NAV2: variants seen among roughly 807,000 people sequenced by gnomAD.
NAV2 encodes the protein helicase, APC down-regulated 1.
Under a neutral mutation model 223.2 loss-of-function variants are expected in NAV2, and 54 were observed. The ratio of observed to expected loss-of-function variants is 0.24; its 90% CI spans 0.19 to 0.30. The LOEUF (loss-of-function observed/expected upper bound fraction) is 0.30, where lower values mean the gene tolerates loss of function less well. Ranked by LOEUF, NAV2 falls within the 10% of genes least tolerant of loss-of-function variation. The probability of loss-of-function intolerance (pLI) is 1.00; values close to 1 mark genes in which losing one functional copy is unlikely to be tolerated. For synonymous variants in NAV2, 1,279 were observed against 1,239.3 expected (o/e 1.03, Z -0.67); for missense variants, 2,806 against 3,147.5 (o/e 0.89, Z 2.60).
intron 22 of NAV2, among the ~76,000 whole-genome samples, chr11:20,074,760 C>CCTTTTTTTTCTTTT (rs56895607): frequency 9.1e-6 from 1 of 110,262 alleles, no homozygotes; most frequent in Non-Finnish European, 1.8e-5. Context: ...TGCAACTCTG[C>CCTTTTTTTTCTTTT]TTTTTTTTTT....
chr11:19,442,458 T>A (rs2133709774), intron 1 of NAV2, among the ~76,000 whole-genome samples: 1 of 152,348 alleles, frequency 6.6e-6, no homozygotes, highest in East Asian at 1.9e-4. Context: ...GTGAAATGAC[T>A]CAACACAGAG....
chr11:19,836,446 G>A (rs868235515), intron 2 of NAV2, among the ~76,000 whole-genome samples: 8 of 151,730 alleles, frequency 5.3e-5, no homozygotes, highest in South Asian at 2.1e-4. Flanking sequence ...AGTCCCAGCT[G>A]CTCGGGAGGC....
chr11:20,057,659 A>G (rs1392811973), intron 19 of NAV2, among the ~76,000 whole-genome samples: 1 of 152,186 alleles, frequency 6.6e-6, no homozygotes, highest in Non-Finnish European at 1.5e-5. Context: ...GGATTTGCAT[A>G]TGGAGTTTGT....
intron 9 of NAV2, among the ~76,000 whole-genome samples, chr11:19,948,227 A>G (rs1444283819): frequency 6.6e-6 from 1 of 152,114 alleles, no homozygotes; most frequent in Non-Finnish European, 1.5e-5. Context: ...CTGGGACTAT[A>G]GGCACATGCC....
chr11:19,922,868 T>C (rs1046680731), intron 6 of NAV2, among the ~76,000 whole-genome samples: 1 of 152,192 alleles, frequency 6.6e-6, no homozygotes, highest in Non-Finnish European at 1.5e-5. Context: ...CCTGTGTTAA[T>C]ATAACCCAAG....
At chr11:19,559,317 G>T (rs1367918053) in intron 1 of NAV2, among the ~76,000 whole-genome samples, 1 of 152,210 alleles carries the variant, frequency 6.6e-6, no homozygotes, top group Non-Finnish European at 1.5e-5. Flanking sequence ...TGAATTAAAA[G>T]CCCATTCTCC....
intron 37 of NAV2, among the ~76,000 whole-genome samples, chr11:20,117,792 G>A (rs2245827): frequency 0.15 from 22,947 of 152,008 alleles, 2,213 homozygotes; most frequent in East Asian, 0.38. Flanking sequence ...AAATAAATAA[G>A]CTATGTATAG....
Position 19,641,276 on chromosome 11 carries a change from C to T in NAV2, c.76-191208C>T, listed in dbSNP as rs115735653. 7.4e-3 allele frequency among the ~76,000 whole-genome samples: 1,120 copies of T among 152,122 alleles called. 18 individuals are homozygous for T. The highest frequency in any genetic ancestry group is 0.024 in the African/African-American group (997 of 41,484). On this transcript the variant is annotated intron_variant, in intron 1 of 37. Coordinates refer to the NAV2 transcript ENST00000360655. Reference sequence around the variant, plus strand: ...TGACCAATGACAGCATTTTCTAATTCCCTTACCCTCTATATTCAATCTAGC... The same window carrying T: ...TGACCAATGACAGCATTTTCTAATTTCCTTACCCTCTATATTCAATCTAGC...
intron 1 of NAV2, among the ~76,000 whole-genome samples, chr11:19,798,535 T>C (rs1472940696): frequency 1.3e-5 from 2 of 152,164 alleles, no homozygotes; most frequent in African/African-American, 4.8e-5. Flanking sequence ...TGACACTTGT[T>C]GTTGGAAGGG....
intron 3 of NAV2, among the ~76,000 whole-genome samples, chr11:19,858,527 A>C (rs2061513291): frequency 6.6e-6 from 1 of 152,204 alleles, no homozygotes; most frequent in Non-Finnish European, 1.5e-5. Context: ...AGTGAACATG[A>C]GGGTACAGAT....
intron 1 of NAV2, among the ~76,000 whole-genome samples, chr11:19,696,917 A>G (rs116372653): frequency 0.012 from 1,841 of 152,312 alleles, 44 homozygotes; most frequent in African/African-American, 0.041. Flanking sequence ...AATCCTCACA[A>G]TAATCCTACA....
At chr11:19,711,313 T>C, upstream of NAV2, 1 of 152,228 alleles carries the variant, frequency 6.6e-6, no homozygotes, top group Non-Finnish European at 1.5e-5. Flanking sequence ...AAACATTTAT[T>C]TCTTACAGTA....
At chr11:19,592,689 A>G (rs2046095569) in intron 1 of NAV2, among the ~76,000 whole-genome samples, 2 of 152,080 alleles carry the variant, frequency 1.3e-5, no homozygotes, top group South Asian at 4.2e-4. Context: ...ATTTTTAAAA[A>G]CTTGTGATAA....
chr11:20,045,424 G>A lies in NAV2; in HGVS notation c.3656G>A (p.Ser1219Asn), dbSNP rs2057333574. 6.2e-7 allele frequency: 1 copy of A among 1,614,042 alleles called. No homozygotes were observed. The highest frequency in any genetic ancestry group is 1.3e-5 in the African/African-American group (1 of 74,916). The change falls in exon 14 of 38, where the codon AGC (serine) becomes AAC (asparagine). Residue 1219 changes from serine to asparagine, a missense_variant. Around this residue, in one of 4 missense-constraint regions of NAV2, gnomAD observed 742 missense variants for 777.9 expected, o/e 0.95. Transcript: ENST00000349880. ...SSTSSIDSNI[S>N]SKSAGLPVPK... ...ACCAGCAGCATAGATTCCAACATTAGCAGCAAGTCCGCAGGCCTGCCAGTG... is the reference window on the plus strand; with the variant it reads ...ACCAGCAGCATAGATTCCAACATTAACAGCAAGTCCGCAGGCCTGCCAGTG...
intron 25 of NAV2, 31 bp from the exon 26 acceptor site, chr11:20,082,976 C>T (rs759198328): frequency 8.2e-6 from 13 of 1,589,570 alleles, no homozygotes; most frequent in Admixed American, 5.1e-5. Context: ...TGGTTGCCCC[C>T]GCTGTGAGAC....
chr11:19,594,721 TG>T (rs1421808233), intron 1 of NAV2, among the ~76,000 whole-genome samples: 2 of 152,190 alleles, frequency 1.3e-5, no homozygotes, highest in Non-Finnish European at 2.9e-5. Context: ...GTAACACTCA[TG>T]GGTTCAGAGT....
chr11:19,522,210 A>G (rs2043681894), intron 1 of NAV2, among the ~76,000 whole-genome samples: 1 of 152,216 alleles, frequency 6.6e-6, no homozygotes, highest in South Asian at 2.1e-4. Flanking sequence ...CCTCTTCTGC[A>G]GAACAGCAAG....
intron 1 of NAV2, among the ~76,000 whole-genome samples, chr11:19,424,104 T>C (rs1850728666): frequency 6.6e-6 from 1 of 152,254 alleles, no homozygotes; most frequent in Non-Finnish European, 1.5e-5. Flanking sequence ...TTGTATGAGC[T>C]GCTTTGGCAG....
chr11:19,894,451 T>C (rs758008979), intron 6 of NAV2, among the ~76,000 whole-genome samples: 1 of 152,190 alleles, frequency 6.6e-6, no homozygotes, highest in Non-Finnish European at 1.5e-5. Flanking sequence ...GTCTGAAAGA[T>C]GGATGTGAGA....
Sources: allele counts gnomAD v4.1 joint callset (sites outside exome capture counted in the v4.1 genomes callset), GRCh38; gene constraint gnomAD v4.1.1; regional missense constraint gnomAD v4.1.1; transcripts MANE v1.5; gene names NCBI Gene and HGNC (gene_info 2026-07-23, HGNC 2026-07-21).